Variants in ADGRL3 observed in about 807,000 individuals in gnomAD.
ADGRL3 encodes calcium-independent alpha-latrotoxin receptor 3.
In ADGRL3, 62 loss-of-function variants were observed where a neutral mutation model predicts 153.5. The ratio of observed to expected loss-of-function variants is 0.40; its 90% CI spans 0.33 to 0.50. The LOEUF is 0.50. Ranked by LOEUF, ADGRL3 falls within the 20% of genes least tolerant of loss-of-function variation. The probability of loss-of-function intolerance (pLI) is 0.47; values close to 1 mark genes in which losing one functional copy is unlikely to be tolerated. For synonymous variants in ADGRL3, 710 were observed against 672.5 expected, an observed-to-expected ratio of 1.06 and a Z score of -0.86; for missense variants, 1,641 against 1,859.4, an observed-to-expected ratio of 0.88 and a Z score of 2.16.
At chr4:61,692,280 A>G (rs1402467655) in intron 6 of ADGRL3, among the ~76,000 whole-genome samples, 1 of 151,960 alleles carries the variant, frequency 6.6e-6, no homozygotes, top group Non-Finnish European at 1.5e-5. Context: ...AGCTTGTCCA[A>G]GTTGGCAATT....
intron 13 of ADGRL3, among the ~76,000 whole-genome samples, chr4:61,923,773 T>C (rs2098781612): frequency 6.6e-6 from 1 of 152,204 alleles, no homozygotes; most frequent in East Asian, 1.9e-4. Flanking sequence ...TCAGTTTTCC[T>C]CTATTACAGC....
intron 8 of ADGRL3, among the ~76,000 whole-genome samples, chr4:61,786,912 T>G (rs1392694521): frequency 6.6e-6 from 1 of 152,200 alleles, no homozygotes; most frequent in Non-Finnish European, 1.5e-5. Context: ...TTAAGCTGAT[T>G]ACTTACGAGA....
At position 62,007,457 on chromosome 4, in the gene ADGRL3, C is replaced by CATAT. The variant is rs1287283695; in HGVS notation, c.3395+9195_3395+9198dup. Among the ~76,000 whole-genome samples the CATAT allele has an allele frequency of 3.9e-5, 4 of 103,730 alleles. No individual in the cohort carries two copies. In the East Asian group the frequency reaches 1.1e-3, roughly 28 times the overall value. The allele number at this position is 103,730 out of a possible 152,430, so 68.1% of individuals were successfully genotyped here. A position where few individuals can be genotyped will look rare whatever the true frequency, so the allele number is the denominator to read the frequency against. ...ATATATATACACACACATATATATA[C>CATAT]ATATATGTGTGTGTATATATATATA... On this transcript the variant is annotated intron_variant, in intron 21 of 26. Coordinates refer to ENST00000683033, the MANE Select transcript of ADGRL3 (RefSeq NM_001387552.1).
chr4:61,456,411 A>AGATATATCTATATC (rs2097747865), intron 2 of ADGRL3, among the ~76,000 whole-genome samples: 1 of 57,724 alleles, frequency 1.7e-5, no homozygotes, highest in South Asian at 5.1e-4. Flanking sequence ...ATCTATATAT[A>AGATATATCTATATC]TATAGATATA....
chr4:61,710,584 T>A (rs72638555), intron 6 of ADGRL3, among the ~76,000 whole-genome samples: 90 of 152,334 alleles, frequency 5.9e-4, no homozygotes, highest in Non-Finnish European at 1.2e-3. Flanking sequence ...TGAATTATAC[T>A]AAGCAAGGGA....
chr4:61,493,387 C>T lies in ADGRL3; in HGVS notation c.-173-3734C>T, dbSNP rs553446259. On this transcript the variant is annotated intron_variant, in intron 2 of 26. Transcript: ENST00000683033. ...TGTCCGAGTAGAGATGGCTCTATGTCCTGCTGCAATACCTTAGAAGAAATC... is the reference window on the plus strand; with the variant it reads ...TGTCCGAGTAGAGATGGCTCTATGTTCTGCTGCAATACCTTAGAAGAAATC... Among the ~76,000 whole-genome samples, 187 of 152,244 alleles carry T rather than the reference C, an allele frequency of 1.2e-3. 1 individual carries two copies. Among genetic ancestry groups the T allele is most frequent in the Middle Eastern group, 3.4e-3 (1 of 294 alleles).
chr4:61,392,026 A>ATT (rs373905840), intron 2 of ADGRL3, among the ~76,000 whole-genome samples: 25 of 135,678 alleles, frequency 1.8e-4, no homozygotes, highest in African/African-American at 6.6e-4. Flanking sequence ...CGACCGGCTA[A>ATT]TTTTTTTTTT....
At chr4:61,756,551 C>T (rs2096833420) in intron 8 of ADGRL3, among the ~76,000 whole-genome samples, 1 of 152,188 alleles carries the variant, frequency 6.6e-6, no homozygotes, top group Non-Finnish European at 1.5e-5. Context: ...GATATATAAT[C>T]ATATCATCTG....
At chr4:62,001,060 A>C (rs1210065533) in intron 21 of ADGRL3, among the ~76,000 whole-genome samples, 1 of 152,198 alleles carries the variant, frequency 6.6e-6, no homozygotes, top group Non-Finnish European at 1.5e-5. Flanking sequence ...CTGGGATTAC[A>C]GGCATGAGCC....
chr4:61,731,180 G>C lies in ADGRL3; in HGVS notation c.598+544G>C, dbSNP rs186073146. Among the ~76,000 whole-genome samples, 23 of 151,836 alleles carry C rather than the reference G, an allele frequency of 1.5e-4. No individual in the cohort carries two copies. The South Asian group carries it at 3.5e-3, about 23-fold the overall frequency. The stretch of plus-strand genomic sequence containing the variant: ...TATTATGGATTGTATATTGATGATG[G>C]CCCTCTATCCTTTCTATGGAAGATT... On this transcript the variant is annotated intron_variant, in intron 7 of 26. Coordinates refer to ENST00000683033, the MANE Select transcript of ADGRL3 (RefSeq NM_001387552.1).
chr4:62,063,760 C>T, intron 25 of ADGRL3: 1 of 471,058 alleles, frequency 2.1e-6, no homozygotes, highest in Non-Finnish European at 3.8e-6. Context: ...ACTCCTTTCG[C>T]ATTCCACCCC....
At chr4:61,460,903 C>G (rs1234050742) in intron 2 of ADGRL3, among the ~76,000 whole-genome samples, 2 of 152,168 alleles carry the variant, frequency 1.3e-5, no homozygotes, top group Non-Finnish European at 2.9e-5. Context: ...AACCCTGTCT[C>G]TACTAAAAAT....
intron 4 of ADGRL3, among the ~76,000 whole-genome samples, chr4:61,526,648 T>TG (rs2098562352): frequency 6.6e-6 from 1 of 151,972 alleles, no homozygotes. Context: ...TGGTGGTGCA[T>TG]CCCTGCAGTC....
intron 1 of ADGRL3, among the ~76,000 whole-genome samples, chr4:61,261,307 C>T (rs1174707696): frequency 6.6e-6 from 1 of 150,738 alleles, no homozygotes; most frequent in Non-Finnish European, 1.5e-5. Context: ...TCTGGGAGTA[C>T]AGGCATGAAC....
chr4:61,544,947 T>C (rs925239307), intron 4 of ADGRL3, among the ~76,000 whole-genome samples: 3 of 152,202 alleles, frequency 2.0e-5, no homozygotes, highest in African/African-American at 7.2e-5. Flanking sequence ...CAGAATTTGC[T>C]AAAAATGTTA....
Position 61,952,798 on chromosome 4 carries a change from G to A in ADGRL3, c.2805+4522G>A, listed in dbSNP as rs376155383. ...GTAATAAACTCAGACTCAGAAAAAC[G>A]AATCAAATTTGAGGCAGCAACAAAA... On this transcript the variant is annotated intron_variant, in intron 17 of 26. Transcript: ENST00000683033. Among the ~76,000 whole-genome samples, 182 of 152,192 alleles carry A rather than the reference G, an allele frequency of 1.2e-3. 1 individual carries two copies. The highest frequency in any genetic ancestry group is 4.2e-3 in the African/African-American group (175 of 41,538).
At chr4:61,844,722 A>G (rs913863135) in intron 9 of ADGRL3, among the ~76,000 whole-genome samples, 26 of 151,336 alleles carry the variant, frequency 1.7e-4, no homozygotes, top group Non-Finnish European at 5.9e-5. Flanking sequence ...TCTCACATTC[A>G]TTGCAACTGT....
At chr4:61,784,429 T>C (rs1488945300) in intron 8 of ADGRL3, among the ~76,000 whole-genome samples, 1 of 118,804 alleles carries the variant, frequency 8.4e-6, no homozygotes, top group East Asian at 3.1e-4. Context: ...TACATATTAG[T>C]TGACTCACTT....
At chr4:61,577,814 TA>T (rs1579637234) in intron 4 of ADGRL3, among the ~76,000 whole-genome samples, 2 of 138,638 alleles carry the variant, frequency 1.4e-5, no homozygotes, top group African/African-American at 2.7e-5. Context: ...GCTTGTCTCT[TA>T]AAAAAAAAGA....
Sources: allele counts gnomAD v4.1 joint callset (sites outside exome capture counted in the v4.1 genomes callset), GRCh38; gene constraint gnomAD v4.1.1; transcripts MANE v1.5; gene names NCBI Gene and HGNC (gene_info 2026-07-23, HGNC 2026-07-21).